MED13L: variants seen among roughly 807,000 people sequenced by gnomAD.
MED13L encodes the protein mediator of RNA polymerase II transcription subunit 13-like.
A neutral mutation model predicts 220.9 loss-of-function variants in MED13L; 7 were observed. That is an observed-to-expected ratio of 0.03 (90% confidence interval 0.02 to 0.06). The LOEUF is 0.06. MED13L is among the 10% of genes least tolerant of loss of function. The pLI, the probability that MED13L is intolerant of heterozygous loss-of-function variation, is 1.00. For missense variants in MED13L, 1,965 were observed against 2,760.5 expected, an observed-to-expected ratio of 0.71 and a Z score of 6.46; for synonymous variants, 1,011 against 1,015.2, an observed-to-expected ratio of 1.00 and a Z score of 0.08.
At chr12:116,276,529 C>T in intron 1 of MED13L, 2 of 1,280,558 alleles carry the variant, frequency 1.6e-6, no homozygotes, top group Non-Finnish European at 2.0e-6. Flanking sequence ...GCTTCGGGTG[C>T]AAGAGTCCTT....
At chr12:116,012,752 C>A (rs201593335) in intron 9 of MED13L, 45 bp downstream of exon 9, 14 of 1,308,996 alleles carry the variant, frequency 1.1e-5, no homozygotes, top group Non-Finnish European at 1.4e-5. Context: ...CAACAAGATG[C>A]GCCATCATTC....
chr12:116,085,291 A>G (rs947482463), intron 4 of MED13L, among the ~76,000 whole-genome samples: 3 of 152,198 alleles, frequency 2.0e-5, no homozygotes, highest in African/African-American at 7.2e-5. Flanking sequence ...AAACAGCCCA[A>G]TTGCTCAAAC....
chr12:116,069,779 C>T (rs879413354), intron 4 of MED13L, among the ~76,000 whole-genome samples: 1 of 152,042 alleles, frequency 6.6e-6, no homozygotes, highest in East Asian at 1.9e-4. Flanking sequence ...CCAAAACAGT[C>T]GAAACTGTTT....
At chr12:116,002,968 G>A (rs777420363) in intron 14 of MED13L, 35 bp downstream of exon 14, 1 of 1,510,466 alleles carries the variant, frequency 6.6e-7, no homozygotes, top group Non-Finnish European at 9.2e-7. Context: ...TACAGGCAGT[G>A]AGCCACAATG....
At chr12:116,180,669 CCCT>C (rs1028259079) in intron 2 of MED13L, among the ~76,000 whole-genome samples, 1 of 152,174 alleles carries the variant, frequency 6.6e-6, no homozygotes, top group African/African-American at 2.4e-5. Context: ...CGAGATCCCG[CCCT>C]CCTCAACTAC....
At chr12:116,236,873 C>A (rs1870130564) in intron 2 of MED13L, 1 of 985,034 alleles carries the variant, frequency 1.0e-6, no homozygotes, top group African/African-American at 1.7e-5. Flanking sequence ...AATCAGGCAA[C>A]ACCGGAGCCA....
chr12:115,997,118 T>C lies in MED13L; in HGVS notation c.2682A>G (p.Ala894=), dbSNP rs146390612. Residue 894 remains alanine (A), a synonymous_variant, in exon 15 of 31, where the codon GCA becomes GCG. Transcript: ENST00000281928. ...CCATAGGGCTCTCCATCATGCCTAATGCTGTCACTGTCTCTGAGCTGATCC... is the reference window on the plus strand; with the variant it reads ...CCATAGGGCTCTCCATCATGCCTAACGCTGTCACTGTCTCTGAGCTGATCC... ...KDGISSETVT[A]LGMMESPMVS... The C allele has an allele frequency of 6.0e-5, 97 of 1,613,960 alleles. No individual in the cohort carries two copies. Among genetic ancestry groups the C allele is most frequent in the Middle Eastern group, 1.6e-4 (1 of 6,084 alleles).
chr12:116,125,485 C>G (rs1314519517), intron 2 of MED13L, among the ~76,000 whole-genome samples: 1 of 152,184 alleles, frequency 6.6e-6, no homozygotes, highest in Non-Finnish European at 1.5e-5. Context: ...AAATGGACCA[C>G]TGAACACTAA....
chr12:116,139,970 CAAAAAAAAAAAAAA>C, intron 2 of MED13L, among the ~76,000 whole-genome samples: 1 of 63,884 alleles, frequency 1.6e-5, no homozygotes, highest in Middle Eastern at 7.4e-3. Context: ...AACTCCATCT[CAAAAAAAAAAAAAA>C]AAAAAAAATT....
chr12:116,185,361 TA>T (rs1880813827), intron 2 of MED13L, among the ~76,000 whole-genome samples: 1 of 151,994 alleles, frequency 6.6e-6, no homozygotes, highest in Admixed American at 6.5e-5. Context: ...TTTTTTTTTT[TA>T]GTCTACATTT....
At chr12:116,254,789 A>G (rs1043888213) in intron 1 of MED13L, among the ~76,000 whole-genome samples, 4 of 152,138 alleles carry the variant, frequency 2.6e-5, no homozygotes, top group African/African-American at 9.7e-5. Context: ...CTAAAATAAT[A>G]GCCATTAAAA....
At chr12:116,258,682 C>T (rs973745878) in intron 1 of MED13L, among the ~76,000 whole-genome samples, 1 of 148,844 alleles carries the variant, frequency 6.7e-6, no homozygotes, top group Non-Finnish European at 1.5e-5. Flanking sequence ...GAGGCTGAGG[C>T]GGGAGAATCA....
At chr12:116,035,622 G>C (rs1039676181) in intron 4 of MED13L, among the ~76,000 whole-genome samples, 1 of 151,798 alleles carries the variant, frequency 6.6e-6, no homozygotes, top group East Asian at 1.9e-4. Context: ...ACAGGGTCTC[G>C]TTCTGTCACT....
At position 116,277,555 on chromosome 12, in the gene MED13L, G is replaced by T. The variant is rs917586326; in HGVS notation, c.-424C>A. 1.0e-4 allele frequency among the ~76,000 whole-genome samples: 15 copies of T among 149,524 alleles called. No individual in the cohort carries two copies. Among genetic ancestry groups the T allele is most frequent in the Non-Finnish European group, 1.9e-4 (13 of 66,940 alleles). Reference sequence around the variant, plus strand: ...GCCGCGGAGCGCGAACTCGCGAAGGGGGGGGTGCGGACGAAGCCAGCGGGC... The same window carrying T: ...GCCGCGGAGCGCGAACTCGCGAAGGTGGGGGTGCGGACGAAGCCAGCGGGC... On this transcript the variant is annotated 5_prime_UTR_variant, in exon 1 of 31. Coordinates refer to ENST00000281928, the MANE Select transcript of MED13L (RefSeq NM_015335.5).
intron 1 of MED13L, among the ~76,000 whole-genome samples, chr12:116,240,429 T>C (rs1437775923): frequency 6.6e-6 from 1 of 151,612 alleles, no homozygotes; most frequent in Admixed American, 6.6e-5. Context: ...ATAAAAGCAA[T>C]GTGTATGTTT....
chr12:116,209,469 C>A (rs534785010), intron 2 of MED13L, among the ~76,000 whole-genome samples: 21 of 152,258 alleles, frequency 1.4e-4, no homozygotes, highest in Admixed American at 6.5e-4. Flanking sequence ...ATGACTATTA[C>A]AACTGTGACA....
chr12:116,236,357 T>C (rs1428176510), intron 2 of MED13L, among the ~76,000 whole-genome samples: 1 of 152,206 alleles, frequency 6.6e-6, no homozygotes, highest in Non-Finnish European at 1.5e-5. Flanking sequence ...CTCTGGCTGC[T>C]GTGGCAGGAG....
intron 1 of MED13L, among the ~76,000 whole-genome samples, chr12:116,263,515 C>A (rs1872642184): frequency 6.6e-6 from 1 of 152,200 alleles, no homozygotes; most frequent in Non-Finnish European, 1.5e-5. Context: ...ATTCCAAATT[C>A]TATTGTGCTA....
chr12:115,983,430 A>G lies in MED13L; in HGVS notation c.4642T>C (p.Leu1548=). ...GGAGCTGCTGATCCATTTGGAGCTAAGGGCCCAGCATTCCCTGGCGTAGCT... is the reference window on the plus strand; with the variant it reads ...GGAGCTGCTGATCCATTTGGAGCTAGGGGCCCAGCATTCCCTGGCGTAGCT... The part of the protein sequence containing the change: ...GQATPGNAGP[L]APNGSAAPPA... The change falls in exon 21 of 31, where the codon TTA becomes CTA. Residue 1548 remains leucine, a synonymous_variant. Coordinates refer to ENST00000281928, the MANE Select transcript of MED13L (RefSeq NM_015335.5). The G allele has an allele frequency of 6.2e-7, 1 of 1,614,184 alleles. No homozygotes were observed. Among genetic ancestry groups the G allele is most frequent in the Non-Finnish European group, 8.5e-7 (1 of 1,180,012 alleles).
Sources: allele counts gnomAD v4.1 joint callset (sites outside exome capture counted in the v4.1 genomes callset), GRCh38; gene constraint gnomAD v4.1.1; transcripts MANE v1.5; gene names NCBI Gene and HGNC (gene_info 2026-07-23, HGNC 2026-07-21).